GOLPH3L: variants seen among roughly 807,000 people sequenced by gnomAD.
GOLPH3L encodes the protein Golgi phosphoprotein 3-like.
Under a neutral mutation model 30.3 loss-of-function variants are expected in GOLPH3L, and 22 were observed. The observed-to-expected ratio is 0.73, with a 90% CI of 0.52 to 1.04. The LOEUF is 1.04. GOLPH3L is among the 50% of genes least tolerant of loss of function. The pLI, the probability that GOLPH3L is intolerant of heterozygous loss-of-function variation, is 0.00. For missense variants in GOLPH3L, 303 were observed against 345.8 expected (o/e 0.88, Z 0.98); for synonymous variants, 120 against 128.2 (o/e 0.94, Z 0.43).
intron 4 of GOLPH3L, among the ~76,000 whole-genome samples, chr1:150,652,336 G>A (rs1174828558): frequency 2.4e-5 from 3 of 123,160 alleles, no homozygotes; most frequent in Admixed American, 1.1e-4. Flanking sequence ...AGCTGAGATC[G>A]TGCCACCGCA....
At chr1:150,660,139 A>G (rs1439665143) in intron 4 of GOLPH3L, among the ~76,000 whole-genome samples, 1 of 152,242 alleles carries the variant, frequency 6.6e-6, no homozygotes, top group African/African-American at 2.4e-5. Flanking sequence ...GTCAGTAAGC[A>G]CATAAAAATA....
At chr1:150,661,001 G>A (rs587602647) in intron 4 of GOLPH3L, among the ~76,000 whole-genome samples, 153 of 152,166 alleles carry the variant, frequency 1.0e-3, no homozygotes, top group African/African-American at 3.6e-3. Flanking sequence ...AGGCCAAGGC[G>A]GGCAGATCAC....
In GOLPH3L at chr1:150,659,050, A is replaced by G. The variant is rs148650476; in HGVS notation, c.430+2764T>C. On this transcript the variant is annotated intron_variant, in intron 4 of 4. Coordinates refer to ENST00000271732, the MANE Select transcript of GOLPH3L (RefSeq NM_018178.6). ...CAGACAGATTAACAGCTAGTAACCC[A>G]TTAAAATGGATAAAAACACTTGGAA... Among the ~76,000 whole-genome samples, 23 of 152,386 alleles carry G rather than the reference A, an allele frequency of 1.5e-4. No individual in the cohort carries two copies. The East Asian group carries it at 4.2e-3, about 28-fold the overall frequency.
chr1:150,678,174 C>G (rs1260144869), intron 2 of GOLPH3L, among the ~76,000 whole-genome samples: 1 of 149,530 alleles, frequency 6.7e-6, no homozygotes, highest in Non-Finnish European at 1.5e-5. Context: ...TGGCACATAC[C>G]TGTAATCCCA....
At position 150,684,816 on chromosome 1, in the gene GOLPH3L, C is replaced by T. The variant is rs587745807; in HGVS notation, c.183+9840G>A. ...CCAAGTAGCTGGGATTACGGGCATG[C>T]ACTACCACGCCCAGCTAATTTTTGT... On this transcript the variant is annotated intron_variant, in intron 2 of 4. Coordinates refer to ENST00000271732, the MANE Select transcript of GOLPH3L (RefSeq NM_018178.6). Among the ~76,000 whole-genome samples the T allele has an allele frequency of 1.4e-4, 21 of 152,132 alleles. No individual in the cohort carries two copies. The South Asian group carries it at 4.1e-3, about 30-fold the overall frequency.
At chr1:150,659,044 T>C (rs769390822) in intron 4 of GOLPH3L, among the ~76,000 whole-genome samples, 10 of 152,250 alleles carry the variant, frequency 6.6e-5, no homozygotes, top group Non-Finnish European at 1.3e-4. Context: ...TAACAGCTAG[T>C]AACCCATTAA....
At chr1:150,691,520 A>G (rs931030036) in intron 2 of GOLPH3L, among the ~76,000 whole-genome samples, 3 of 151,962 alleles carry the variant, frequency 2.0e-5, no homozygotes, top group Admixed American at 6.6e-5. Context: ...TGTCTTAAAA[A>G]CAAAAACAAA....
At chr1:150,660,246 G>A (rs943785682) in intron 4 of GOLPH3L, among the ~76,000 whole-genome samples, 2 of 151,800 alleles carry the variant, frequency 1.3e-5, no homozygotes, top group East Asian at 1.9e-4. Flanking sequence ...AGGCCTACTC[G>A]GATGTCTATA....
At chr1:150,653,290 T>TA (rs1227262471) in intron 4 of GOLPH3L, among the ~76,000 whole-genome samples, 2 of 127,482 alleles carry the variant, frequency 1.6e-5, no homozygotes, top group Non-Finnish European at 3.4e-5. Context: ...ATAAATCTTT[T>TA]TTTTTTTATT....
At chr1:150,671,385 C>T in intron 2 of GOLPH3L, among the ~76,000 whole-genome samples, 1 of 152,122 alleles carries the variant, frequency 6.6e-6, no homozygotes, top group East Asian at 1.9e-4. Context: ...AGACAGTCAA[C>T]ACTTTATGCT....
chr1:150,650,162 A>G (rs1453276393), intron 4 of GOLPH3L, among the ~76,000 whole-genome samples: 3 of 152,160 alleles, frequency 2.0e-5, no homozygotes, highest in Admixed American at 6.5e-5. Flanking sequence ...GCTATGTCAA[A>G]ATCACACACA....
chr1:150,678,626 C>T (rs1201213729), intron 2 of GOLPH3L, among the ~76,000 whole-genome samples: 3 of 152,068 alleles, frequency 2.0e-5, no homozygotes, highest in African/African-American at 7.2e-5. Context: ...TTGTTTTTTA[C>T]ACATTTTTGT....
chr1:150,658,213 C>G (rs1650289425), intron 4 of GOLPH3L, among the ~76,000 whole-genome samples: 1 of 152,218 alleles, frequency 6.6e-6, no homozygotes. Flanking sequence ...CCGTTGAACA[C>G]AGCCACCCAC....
At position 150,648,558 on chromosome 1, in the gene GOLPH3L, T is replaced by A. The variant is rs954259066; in HGVS notation, c.621A>T (p.Val207=). The change falls in exon 5 of 5, where the codon GTA becomes GTT. Residue 207 remains valine, a synonymous_variant. Coordinates refer to ENST00000271732, the MANE Select transcript of GOLPH3L (RefSeq NM_018178.6). ...GAGGGTCATTTACCCACCGCTCTAG[T>A]ACACTATCTTGAAGTTTTTTCACTA... is the stretch of plus-strand genomic sequence containing the variant. ...QRLVKKLQDS[V]LERWVNDPQR... 1.9e-6 allele frequency: 3 copies of A among 1,613,836 alleles called. No homozygotes were observed. In the African/African-American group the frequency reaches 4.0e-5, roughly 22 times the overall value.
At chr1:150,686,500 C>A (rs587601354) in intron 2 of GOLPH3L, among the ~76,000 whole-genome samples, 1 of 152,240 alleles carries the variant, frequency 6.6e-6, no homozygotes, top group Admixed American at 6.5e-5. Flanking sequence ...AACACCACGC[C>A]CAGTTGCAGA....
intron 2 of GOLPH3L, among the ~76,000 whole-genome samples, chr1:150,665,564 G>A (rs1650480561): frequency 1.3e-5 from 2 of 151,900 alleles, no homozygotes; most frequent in African/African-American, 4.8e-5. Context: ...ACTTTTAGAA[G>A]TTATCCTTGA....
Position 150,648,407 on chromosome 1 carries a change from C to T in GOLPH3L, c.772G>A (p.Val258Ile), listed in dbSNP as rs1650030150. 2 of 1,613,852 alleles carry T rather than the reference C, an allele frequency of 1.2e-6. No individual in the cohort carries two copies. Among genetic ancestry groups the T allele is most frequent in the Non-Finnish European group, 1.7e-6 (2 of 1,179,750 alleles). ...DVAMNRAKDL[V>I]ELDPEVEGTK... ...CCTTCCACTTCAGGGTCCAGTTCTA[C>T]TAAGTCCTTGGCTCGATTCATTGCC... is the stretch of plus-strand genomic sequence containing the variant. Residue 258 changes from valine (V) to isoleucine (I), a missense_variant, in exon 5 of 5, where the codon GTA (valine) becomes ATA (isoleucine). Val to Ile is a conservative substitution (Grantham distance 29). Transcript: ENST00000271732.
intron 4 of GOLPH3L, among the ~76,000 whole-genome samples, chr1:150,652,399 A>C (rs1448412082): frequency 0.015 from 2,257 of 148,654 alleles, 35 homozygotes; most frequent in Non-Finnish European, 0.024. Context: ...AAAAAAAAAA[A>C]AAAAAAAAAC....
chr1:150,664,635 G>A (rs1163621509), intron 2 of GOLPH3L, among the ~76,000 whole-genome samples: 2 of 151,998 alleles, frequency 1.3e-5, no homozygotes, highest in Admixed American at 1.3e-4. Flanking sequence ...TGTATTTTTA[G>A]TAGAGACGGG....
Sources: allele counts gnomAD v4.1 joint callset (sites outside exome capture counted in the v4.1 genomes callset), GRCh38; gene constraint gnomAD v4.1.1; transcripts MANE v1.5; gene names NCBI Gene and HGNC (gene_info 2026-07-23, HGNC 2026-07-21).